The following PPP4R2 variants were observed in gnomAD, a reference collection of about 807,000 sequenced individuals.
PPP4R2 encodes serine/threonine-protein phosphatase 4 regulatory subunit 2.
Under a neutral mutation model 47.2 loss-of-function variants are expected in PPP4R2, and 13 were observed. That is an observed-to-expected ratio of 0.28 (90% CI 0.18 to 0.44). PPP4R2 has a LOEUF of 0.44. Ranked by LOEUF, PPP4R2 falls within the 20% of genes least tolerant of loss-of-function variation. The pLI is 1.00. For missense variants in PPP4R2, 421 were observed against 491.2 expected (o/e 0.86, Z 1.35); for synonymous variants, 151 against 163.3 (o/e 0.92, Z 0.57).
At chr3:73,011,455 T>A (rs1701723253) in intron 2 of PPP4R2, among the ~76,000 whole-genome samples, 1 of 152,078 alleles carries the variant, frequency 6.6e-6, no homozygotes, top group Non-Finnish European at 1.5e-5. Context: ...CACTCCAGCT[T>A]GGGCGAAAGG....
At chr3:73,027,389 G>C (rs1308416617) in intron 2 of PPP4R2, among the ~76,000 whole-genome samples, 1 of 152,210 alleles carries the variant, frequency 6.6e-6, no homozygotes, top group Non-Finnish European at 1.5e-5. Flanking sequence ...GCCTCCTAAA[G>C]TGCTGGGATT....
At chr3:73,006,446 T>A (rs1701611579) in intron 2 of PPP4R2, among the ~76,000 whole-genome samples, 1 of 152,104 alleles carries the variant, frequency 6.6e-6, no homozygotes, top group Non-Finnish European at 1.5e-5. Flanking sequence ...TGCCTCGGCC[T>A]CCCAAAGTGC....
In PPP4R2 at chr3:73,066,764, T is replaced by C. The variant is rs1412597104; in HGVS notation, c.*1042T>C. On this transcript the variant is annotated 3_prime_UTR_variant, in exon 9 of 9. Transcript: ENST00000356692. ...TGTACTGGAAGAATTAATATATTAC[T>C]TTAGTATGTACCTGAGCTAAATGAC... The C allele has an allele frequency of 1.3e-5, 2 of 152,102 alleles. No homozygotes were observed. Among genetic ancestry groups the C allele is most frequent in the Non-Finnish European group, 1.5e-5 (1 of 67,958 alleles). 9.4% of individuals were successfully genotyped at this position (152,102 alleles called of 1,614,324 possible). A position where few individuals can be genotyped will look rare whatever the true frequency, so the allele number is the denominator to read the frequency against.
At chr3:72,999,419 T>C (rs1170352957) in intron 2 of PPP4R2, among the ~76,000 whole-genome samples, 1 of 152,256 alleles carries the variant, frequency 6.6e-6, no homozygotes, top group Non-Finnish European at 1.5e-5. Flanking sequence ...AGACTGCCAC[T>C]ATTCCTCTTG....
At chr3:73,010,099 C>T (rs568095067) in intron 2 of PPP4R2, among the ~76,000 whole-genome samples, 1 of 152,162 alleles carries the variant, frequency 6.6e-6, no homozygotes, top group African/African-American at 2.4e-5. Flanking sequence ...TAATTCAAGT[C>T]TCAAATTAGT....
intron 3 of PPP4R2, among the ~76,000 whole-genome samples, chr3:73,057,925 T>A (rs1191730729): frequency 2.0e-5 from 3 of 152,100 alleles, no homozygotes; most frequent in Non-Finnish European, 4.4e-5. Context: ...AACTATTAAT[T>A]TGAGGCTTTG....
rs1007391518 is a variant in PPP4R2, at chr3:73,043,361, G to A, written c.117-3825G>A. ...AAATTCCCCTTTCTAAAATAGGATA[G>A]GGAAAGGTGGAAAAAACTAATCATG... On this transcript the variant is annotated intron_variant, in intron 2 of 8. Coordinates refer to ENST00000356692, the MANE Select transcript of PPP4R2 (RefSeq NM_174907.4). 8.5e-5 allele frequency among the ~76,000 whole-genome samples: 13 copies of A among 152,200 alleles called. No individual in the cohort carries two copies. The East Asian group carries it at 1.7e-3, about 20-fold the overall frequency.
intron 2 of PPP4R2, among the ~76,000 whole-genome samples, chr3:73,020,039 A>G (rs1260578626): frequency 6.6e-6 from 1 of 152,222 alleles, no homozygotes; most frequent in African/African-American, 2.4e-5. Context: ...TCAAAATACA[A>G]ATTTACTGTC....
chr3:73,047,277 C>G lies in PPP4R2; in HGVS notation c.208C>G (p.Pro70Ala), dbSNP rs746439487. 21 of 1,609,860 alleles carry G rather than the reference C, an allele frequency of 1.3e-5. 1 individual carries two copies. The South Asian group carries it at 1.8e-4, about 14-fold the overall frequency. Residue 70 changes from proline to alanine, a missense_variant, in exon 3 of 9, where the codon CCT becomes GCT. Pro to Ala is a conservative substitution (Grantham distance 27). Around this residue, in one of 2 missense-constraint regions of PPP4R2, gnomAD observed 104 missense variants for 203.7 expected, o/e 0.51. Coordinates refer to ENST00000356692, the MANE Select transcript of PPP4R2 (RefSeq NM_174907.4). ...FRTSAPEPRG[P>A]PNPNVEYIPF... ...AACTTCAGCTCCTGAGCCAAGAGGTCCTCCCAACCCTAATGTCGAATATAT... is the reference window on the plus strand; with the variant it reads ...AACTTCAGCTCCTGAGCCAAGAGGTGCTCCCAACCCTAATGTCGAATATAT...
intron 3 of PPP4R2, among the ~76,000 whole-genome samples, chr3:73,051,595 T>C (rs961281676): frequency 2.0e-5 from 3 of 152,192 alleles, no homozygotes; most frequent in Admixed American, 2.0e-4. Context: ...CTTTCTAAAA[T>C]TATTTTAGTA....
In PPP4R2 at chr3:73,059,023, AT is replaced by A. The variant is rs1316421292; in HGVS notation, c.288-13del. Reference sequence around the variant, plus strand: ...ATCAGTGATCTCACACTGTAAAATTATATTTTTTTGCAGTATCCCTTTTACT... The same window carrying A: ...ATCAGTGATCTCACACTGTAAAATTAATTTTTTTGCAGTATCCCTTTTACT... On this transcript the variant is annotated splice_polypyrimidine_tract_variant and intron_variant, in intron 3 of 8. Coordinates refer to ENST00000356692, the MANE Select transcript of PPP4R2 (RefSeq NM_174907.4). 2.0e-6 allele frequency: 3 copies of A among 1,486,206 alleles called. No individual in the cohort carries two copies. Among genetic ancestry groups the A allele is most frequent in the Non-Finnish European group, 1.9e-6 (2 of 1,078,860 alleles). 92.1% of individuals were successfully genotyped at this position (1,486,206 alleles called of 1,614,324 possible).
intron 2 of PPP4R2, among the ~76,000 whole-genome samples, chr3:73,011,373 C>T (rs6549496): frequency 0.38 from 58,057 of 151,760 alleles, 11,514 homozygotes; most frequent in African/African-American, 0.44. Flanking sequence ...CGCAGCTGCT[C>T]GGGAGGCTGA....
chr3:73,062,138 G>A (rs1042959945), intron 5 of PPP4R2: 5 of 1,546,416 alleles, frequency 3.2e-6, no homozygotes, highest in East Asian at 2.4e-5. Context: ...TTTTTGTTTG[G>A]GTCTGTGACA....
chr3:73,059,559 A>G (rs762656422), intron 4 of PPP4R2, among the ~76,000 whole-genome samples: 6 of 152,192 alleles, frequency 3.9e-5, no homozygotes, highest in Non-Finnish European at 7.3e-5. Flanking sequence ...AGAAAGATGC[A>G]GGTCAGATTT....
intron 3 of PPP4R2, among the ~76,000 whole-genome samples, chr3:73,057,683 A>G (rs375806747): frequency 3.3e-5 from 5 of 152,168 alleles, no homozygotes; most frequent in African/African-American, 1.2e-4. Flanking sequence ...CTTTGAACAT[A>G]AGAATAGTAT....
chr3:73,014,911 C>T (rs930530284), intron 2 of PPP4R2: 7 of 670,610 alleles, frequency 1.0e-5, no homozygotes, highest in South Asian at 4.8e-5. Context: ...GCTGTGTTGC[C>T]CAGGCTGGCC....
intron 2 of PPP4R2, among the ~76,000 whole-genome samples, chr3:73,000,080 TG>T (rs2107193809): frequency 6.6e-6 from 1 of 152,040 alleles, no homozygotes; most frequent in Admixed American, 6.6e-5. Context: ...TTAGGATGGG[TG>T]GATTGCTTAA....
chr3:73,021,901 T>TATA (rs146335669), intron 2 of PPP4R2, among the ~76,000 whole-genome samples: 22,032 of 121,886 alleles, frequency 0.18, 2,206 homozygotes, highest in East Asian at 0.36. Context: ...TATATATATA[T>TATA]TTTTTTTTTT....
chr3:73,036,153 CA>C (rs1702256984), intron 2 of PPP4R2, among the ~76,000 whole-genome samples: 1 of 152,082 alleles, frequency 6.6e-6, no homozygotes, highest in Non-Finnish European at 1.5e-5. Context: ...CACAGAAAGA[CA>C]AATATCACAT....
Sources: gnomAD v4.1 joint callset for allele counts (sites outside exome capture counted in the v4.1 genomes callset) on GRCh38, gnomAD v4.1.1 for gene constraint, gnomAD v4.1.1 regional missense constraint, MANE v1.5 for transcripts, NCBI Gene and HGNC (gene_info 2026-07-23, HGNC 2026-07-21) for gene names.